The following KIZ variants were observed in gnomAD, a reference collection of about 807,000 sequenced individuals.
KIZ encodes centrosomal protein kizuna.
In KIZ, 68 loss-of-function variants were observed where a neutral mutation model predicts 79.6. The observed-to-expected ratio is 0.85, with a 90% CI of 0.70 to 1.05. KIZ has a LOEUF of 1.05. Ranked by LOEUF, KIZ falls within the 50% of genes least tolerant of loss-of-function variation. The pLI, the probability that KIZ is intolerant of heterozygous loss-of-function variation, is 0.00. For synonymous variants in KIZ, 280 were observed against 281.8 expected, an observed-to-expected ratio of 0.99 and a Z score of 0.06; for missense variants, 797 against 800.4, an observed-to-expected ratio of 1.00 and a Z score of 0.05.
At chr20:21,180,025 A>G (rs1271884140) in intron 6 of KIZ, among the ~76,000 whole-genome samples, 1 of 152,170 alleles carries the variant, frequency 6.6e-6, no homozygotes, top group African/African-American at 2.4e-5. Flanking sequence ...GAAGAATGCT[A>G]TTGCGTTTGG....
chr20:21,241,349 G>C (rs962878734), intron 11 of KIZ, among the ~76,000 whole-genome samples: 3 of 152,202 alleles, frequency 2.0e-5, no homozygotes, highest in African/African-American at 7.2e-5. Context: ...AAAAATAATT[G>C]CTCCTTAGAT....
intron 12 of KIZ, 84 bp downstream of exon 12, chr20:21,244,372 C>T: frequency 4.2e-6 from 4 of 946,818 alleles, no homozygotes; most frequent in Non-Finnish European, 6.9e-6. Context: ...TTTGCACCCT[C>T]ATGTGAGTCC....
chr20:21,139,268 C>T (rs1363599365), intron 3 of KIZ, among the ~76,000 whole-genome samples: 2 of 151,956 alleles, frequency 1.3e-5, no homozygotes, highest in African/African-American at 4.8e-5. Flanking sequence ...TGGGGCATAA[C>T]AAGATATTCC....
intron 10 of KIZ, among the ~76,000 whole-genome samples, chr20:21,229,678 A>C (rs1482250103): frequency 1.3e-5 from 2 of 152,056 alleles, no homozygotes; most frequent in African/African-American, 4.8e-5. Context: ...AATCTCAAGC[A>C]ATCTTCCCTC....
At chr20:21,172,169 G>A (rs1037973536) in intron 6 of KIZ, among the ~76,000 whole-genome samples, 2 of 152,200 alleles carry the variant, frequency 1.3e-5, no homozygotes, top group South Asian at 4.1e-4. Flanking sequence ...TATAGATAAC[G>A]AGAAAAGGGG....
intron 6 of KIZ, among the ~76,000 whole-genome samples, chr20:21,178,145 T>C (rs372820346): frequency 9.9e-5 from 15 of 152,232 alleles, no homozygotes; most frequent in East Asian, 5.8e-4. Flanking sequence ...AGCAATTTCA[T>C]AGAATCTGGA....
At chr20:21,234,682 C>CT (rs1286224226) in intron 11 of KIZ, among the ~76,000 whole-genome samples, 1 of 149,380 alleles carries the variant, frequency 6.7e-6, no homozygotes, top group Non-Finnish European at 1.5e-5. Context: ...TGCAGTGCTG[C>CT]TGTAGCACTT....
intron 7 of KIZ, among the ~76,000 whole-genome samples, chr20:21,208,539 T>C (rs1032454215): frequency 6.6e-6 from 1 of 152,064 alleles, no homozygotes; most frequent in Non-Finnish European, 1.5e-5. Flanking sequence ...CCGTCTCTAC[T>C]AAAAATACAA....
At chr20:21,191,118 C>A (rs1228289844) in intron 6 of KIZ, among the ~76,000 whole-genome samples, 2 of 152,210 alleles carry the variant, frequency 1.3e-5, no homozygotes, top group African/African-American at 4.8e-5. Context: ...TAATGACCAC[C>A]TTATCACCAC....
intron 11 of KIZ, among the ~76,000 whole-genome samples, chr20:21,236,332 AT>A (rs1461640079): frequency 2.0e-5 from 3 of 152,026 alleles, no homozygotes; most frequent in African/African-American, 7.2e-5. Context: ...TTTCTGGATT[AT>A]TTTTTGCCTT....
intron 6 of KIZ, among the ~76,000 whole-genome samples, chr20:21,180,217 T>C (rs981705709): frequency 1.3e-5 from 2 of 151,882 alleles, no homozygotes; most frequent in South Asian, 2.1e-4. Flanking sequence ...AATCTGTGAG[T>C]TTTTGGTTTG....
intron 7 of KIZ, among the ~76,000 whole-genome samples, chr20:21,211,780 C>T (rs999731448): frequency 2.0e-5 from 3 of 152,176 alleles, no homozygotes; most frequent in Non-Finnish European, 4.4e-5. Flanking sequence ...GTGTTACAGA[C>T]GTTTTCCTGA....
At chr20:21,167,321 T>G (rs2033987204) in intron 6 of KIZ, among the ~76,000 whole-genome samples, 1 of 152,188 alleles carries the variant, frequency 6.6e-6, no homozygotes, top group Non-Finnish European at 1.5e-5. Flanking sequence ...GAATTGGACA[T>G]GTTCAGGGTT....
At chr20:21,131,838 C>A in intron 1 of KIZ, 1 of 314,102 alleles carries the variant, frequency 3.2e-6, no homozygotes, top group Non-Finnish European at 5.8e-6. Flanking sequence ...CTTTTGTCTC[C>A]TATTGGTGTT....
chr20:21,192,934 A>G (rs1313690328), intron 6 of KIZ, among the ~76,000 whole-genome samples: 1 of 152,188 alleles, frequency 6.6e-6, no homozygotes, highest in African/African-American at 2.4e-5. Context: ...TCTGCAGTGT[A>G]AGTTGAGTTA....
intron 11 of KIZ, among the ~76,000 whole-genome samples, chr20:21,243,463 A>T (rs532712204): frequency 3.9e-5 from 6 of 152,188 alleles, no homozygotes; most frequent in Non-Finnish European, 7.3e-5. Context: ...TGCGTGGGGT[A>T]GGGCAAAGTG....
At chr20:21,161,489 G>T (rs2033653658) in intron 4 of KIZ, among the ~76,000 whole-genome samples, 1 of 30,086 alleles carries the variant, frequency 3.3e-5, no homozygotes, top group South Asian at 3.7e-3. Flanking sequence ...CTGCCACCGT[G>T]CCCGGCTAAT....
intron 6 of KIZ, among the ~76,000 whole-genome samples, chr20:21,169,921 T>C (rs146831228): frequency 2.0e-5 from 3 of 152,344 alleles, no homozygotes; most frequent in African/African-American, 7.2e-5. Context: ...TTTTTAGCAC[T>C]GAATAATACT....
At chr20:21,137,669 A>T (rs1203489518) in intron 3 of KIZ, among the ~76,000 whole-genome samples, 1 of 151,854 alleles carries the variant, frequency 6.6e-6, no homozygotes, top group Non-Finnish European at 1.5e-5. Context: ...AGTCTGCTGC[A>T]GGCATCATGA....
Sources: gnomAD v4.1 joint callset for allele counts (sites outside exome capture counted in the v4.1 genomes callset) on GRCh38, gnomAD v4.1.1 for gene constraint, MANE v1.5 for transcripts, NCBI Gene and HGNC (gene_info 2026-07-23, HGNC 2026-07-21) for gene names.